Variants in HPSE2 observed in about 807,000 individuals in gnomAD.
HPSE2 encodes the protein heparanase 2 (inactive).
HPSE2 carries 38 observed loss-of-function variants against 60.5 expected under a neutral mutation model. The observed-to-expected ratio is 0.63, with a 90% confidence interval of 0.48 to 0.82. The LOEUF (loss-of-function observed/expected upper bound fraction) is 0.82. HPSE2 is among the 40% of genes least tolerant of loss of function. The pLI is 0.00. For synonymous variants in HPSE2, 295 were observed against 293.2 expected (o/e 1.01, Z -0.06); for missense variants, 713 against 740.4 (o/e 0.96, Z 0.43).
intron 6 of HPSE2, among the ~76,000 whole-genome samples, chr10:98,656,787 G>GT (rs1235675473): frequency 6.8e-6 from 1 of 147,462 alleles, no homozygotes; most frequent in Non-Finnish European, 1.5e-5. Flanking sequence ...TTGGGATGGA[G>GT]TTTCGCTCCT....
intron 3 of HPSE2, among the ~76,000 whole-genome samples, chr10:98,754,349 T>C (rs1191979110): frequency 2.0e-5 from 3 of 152,070 alleles, no homozygotes; most frequent in Admixed American, 6.6e-5. Context: ...CTCTGAGAAA[T>C]ATGAGATTAC....
intron 3 of HPSE2, among the ~76,000 whole-genome samples, chr10:98,834,691 G>C (rs1383387050): frequency 1.3e-5 from 2 of 152,090 alleles, no homozygotes; most frequent in Non-Finnish European, 2.9e-5. Context: ...AGATCTGTGA[G>C]GTCCTTACAT....
chr10:99,235,938 ACTCT>A (rs569676120), upstream of HPSE2: 991 of 603,532 alleles, frequency 1.6e-3, 11 homozygotes, highest in South Asian at 0.015. Context: ...ACACACACAC[ACTCT>A]CTCTCTCTCC....
At chr10:98,725,826 G>A (rs925108367) in intron 4 of HPSE2, among the ~76,000 whole-genome samples, 2 of 152,048 alleles carry the variant, frequency 1.3e-5, no homozygotes, top group African/African-American at 4.8e-5. Context: ...GTGGGCAAAG[G>A]ATATGAACAG....
chr10:99,257,629 T>G, the HPSE2 span, among the ~76,000 whole-genome samples: 1 of 152,116 alleles, frequency 6.6e-6, no homozygotes, highest in African/African-American at 2.4e-5. Context: ...TGCCCGAAAC[T>G]TCATTAGCAA....
chr10:99,272,193 C>T, the HPSE2 span, among the ~76,000 whole-genome samples: 1 of 151,486 alleles, frequency 6.6e-6, no homozygotes, highest in South Asian at 2.1e-4. Flanking sequence ...TTGCTTGAAC[C>T]CGGGAGGTAG....
At chr10:99,054,402 A>G (rs1227245281) in intron 3 of HPSE2, among the ~76,000 whole-genome samples, 1 of 152,206 alleles carries the variant, frequency 6.6e-6, no homozygotes, top group Non-Finnish European at 1.5e-5. Context: ...ATGCTACACT[A>G]TAGAAGTAAA....
In HPSE2 at chr10:98,797,822, C is replaced by T. The variant is rs183355469; in HGVS notation, c.611-53766G>A. ...TCACGCCACTGTACTCCAGCCTGGG[C>T]GACAAAGTGAGACTCCGCCTCAAAA... is the stretch of plus-strand genomic sequence containing the variant. On this transcript the variant is annotated intron_variant, in intron 3 of 11. Coordinates refer to ENST00000370552, the MANE Select transcript of HPSE2 (RefSeq NM_021828.5). 2.6e-5 allele frequency among the ~76,000 whole-genome samples: 4 copies of T among 151,430 alleles called. No individual in the cohort carries two copies. The South Asian group carries it at 6.3e-4, about 24-fold the overall frequency.
chr10:98,958,544 T>C (rs895085232), intron 3 of HPSE2, among the ~76,000 whole-genome samples: 11 of 152,272 alleles, frequency 7.2e-5, no homozygotes, highest in African/African-American at 9.6e-5. Context: ...ATAAGGCTTA[T>C]CTCATTTAAT....
intron 9 of HPSE2, among the ~76,000 whole-genome samples, chr10:98,597,970 CAA>C (rs571184082): frequency 1.7e-3 from 93 of 55,120 alleles, no homozygotes; most frequent in African/African-American, 5.4e-3. Context: ...GACTCCATCT[CAA>C]AAAAAAAAAA....
At chr10:98,825,118 T>C (rs555731522) in intron 3 of HPSE2, among the ~76,000 whole-genome samples, 7 of 152,300 alleles carry the variant, frequency 4.6e-5, no homozygotes, top group Admixed American at 2.6e-4. Flanking sequence ...GTAATACTTA[T>C]AACAAAAGAG....
At chr10:99,088,207 A>C (rs1843391136) in intron 3 of HPSE2, among the ~76,000 whole-genome samples, 1 of 151,384 alleles carries the variant, frequency 6.6e-6, no homozygotes, top group Non-Finnish European at 1.5e-5. Context: ...TCAATACTTT[A>C]TTTATTTATT....
chr10:98,537,401 G>A (rs1943316002), intron 9 of HPSE2, among the ~76,000 whole-genome samples: 2 of 152,118 alleles, frequency 1.3e-5, no homozygotes, highest in Admixed American at 1.3e-4. Flanking sequence ...AACTGTTTCA[G>A]TATAATAAAG....
chr10:98,635,373 G>A (rs1026475455), intron 7 of HPSE2, among the ~76,000 whole-genome samples: 3 of 152,150 alleles, frequency 2.0e-5, no homozygotes, highest in Non-Finnish European at 4.4e-5. Context: ...AGTAATCCCA[G>A]TACAGGGTAT....
At chr10:98,821,704 C>A (rs1403249920) in intron 3 of HPSE2, among the ~76,000 whole-genome samples, 1 of 152,160 alleles carries the variant, frequency 6.6e-6, no homozygotes, top group East Asian at 1.9e-4. Context: ...GGATTTTTAA[C>A]CTCCAGAGGG....
intron 7 of HPSE2, among the ~76,000 whole-genome samples, chr10:98,627,592 A>T (rs548122728): frequency 6.6e-6 from 1 of 152,198 alleles, no homozygotes; most frequent in Admixed American, 6.5e-5. Context: ...TACTTACTGC[A>T]TGACTTTGAA....
intron 2 of HPSE2, among the ~76,000 whole-genome samples, chr10:99,172,889 GA>G (rs1847371056): frequency 6.6e-6 from 1 of 151,910 alleles, no homozygotes; most frequent in Non-Finnish European, 1.5e-5. Context: ...AAAAGAAGAA[GA>G]AGAAAAAGAA....
chr10:99,100,470 CT>C (rs908372455), intron 3 of HPSE2, among the ~76,000 whole-genome samples: 20 of 152,204 alleles, frequency 1.3e-4, no homozygotes, highest in African/African-American at 3.6e-4. Flanking sequence ...CAAATAAAAC[CT>C]CCAAGAAATA....
Position 98,756,325 on chromosome 10 carries a change from G to C in HPSE2, c.611-12269C>G, listed in dbSNP as rs531222614. ...AGAAGAAAATAAATAACCAAAATCA[G>C]AGCTGAACTGAATGAAATTGAGATG... is the stretch of plus-strand genomic sequence containing the variant. On this transcript the variant is annotated intron_variant, in intron 3 of 11. Coordinates refer to ENST00000370552, the MANE Select transcript of HPSE2 (RefSeq NM_021828.5). Among the ~76,000 whole-genome samples, 5 of 152,090 alleles carry C rather than the reference G, an allele frequency of 3.3e-5. No homozygotes were observed. In the South Asian group the frequency reaches 1.0e-3, roughly 32 times the overall value.
Sources: gnomAD v4.1 joint callset for allele counts (sites outside exome capture counted in the v4.1 genomes callset) on GRCh38, gnomAD v4.1.1 for gene constraint, MANE v1.5 for transcripts, NCBI Gene and HGNC (gene_info 2026-07-23, HGNC 2026-07-21) for gene names.